C1D: variants seen among roughly 807,000 people sequenced by gnomAD.
C1D encodes the protein C1D nuclear receptor corepressor, also known as nuclear nucleic acid-binding protein C1D.
Under a neutral mutation model 17.5 loss-of-function variants are expected in C1D, and 10 were observed. That is an observed-to-expected ratio of 0.57 (90% CI 0.35 to 0.97). The LOEUF (loss-of-function observed/expected upper bound fraction) is 0.97. Ranked by LOEUF, C1D falls within the 50% of genes least tolerant of loss-of-function variation. C1D has a pLI of 0.01. For synonymous variants in C1D, 49 were observed against 54.0 expected (o/e 0.91, Z 0.40); for missense variants, 136 against 160.1 (o/e 0.85, Z 0.81).
intron 4 of C1D, among the ~76,000 whole-genome samples, chr2:68,043,491 C>T (rs887236866): frequency 6.6e-6 from 1 of 152,102 alleles, no homozygotes; most frequent in African/African-American, 2.4e-5. Context: ...ACAGGAAATA[C>T]ATGAGGTAGT....
At chr2:68,053,015 C>A in intron 1 of C1D, 1 of 1,544,430 alleles carries the variant, frequency 6.5e-7, no homozygotes, top group Non-Finnish European at 8.7e-7. Context: ...AAAGAACATG[C>A]CTAAAGTTGT....
At chr2:68,049,262 C>A (rs1671216357) in intron 1 of C1D, among the ~76,000 whole-genome samples, 1 of 149,942 alleles carries the variant, frequency 6.7e-6, no homozygotes, top group African/African-American at 2.5e-5. Context: ...AGAAACCTTA[C>A]AAACAAAAGA....
chr2:68,049,397 G>T (rs961241089), intron 1 of C1D, among the ~76,000 whole-genome samples: 1 of 152,132 alleles, frequency 6.6e-6, no homozygotes, highest in Non-Finnish European at 1.5e-5. Flanking sequence ...TAAGTATAGG[G>T]ATATACTGCA....
chr2:68,048,730 G>T (rs1671202110), intron 1 of C1D, among the ~76,000 whole-genome samples: 1 of 152,062 alleles, frequency 6.6e-6, no homozygotes, highest in Non-Finnish European at 1.5e-5. Flanking sequence ...ACACAGAAAA[G>T]AACTGATTTC....
At chr2:68,050,457 T>C (rs2103802686) in intron 1 of C1D, among the ~76,000 whole-genome samples, 2 of 152,268 alleles carry the variant, frequency 1.3e-5, no homozygotes, top group African/African-American at 4.8e-5. Context: ...ATACCTTACT[T>C]TTCTCTCAAA....
At chr2:68,046,620 T>C in intron 2 of C1D, 1 of 501,640 alleles carries the variant, frequency 2.0e-6, no homozygotes, top group East Asian at 3.3e-5. Flanking sequence ...CCACACATTT[T>C]CACCTTAGGG....
chr2:68,050,843 A>C (rs898828423), intron 1 of C1D, among the ~76,000 whole-genome samples: 3 of 152,244 alleles, frequency 2.0e-5, no homozygotes, highest in African/African-American at 7.2e-5. Flanking sequence ...TAAATTCTCA[A>C]ACAGAACGTG....
intron 1 of C1D, among the ~76,000 whole-genome samples, chr2:68,047,660 C>A (rs1326245167): frequency 6.6e-6 from 1 of 152,160 alleles, no homozygotes; most frequent in Admixed American, 6.5e-5. Context: ...CTGCTGGGCC[C>A]AAGCGATCCT....
chr2:68,049,275 A>G (rs1671216858), intron 1 of C1D, among the ~76,000 whole-genome samples: 1 of 152,252 alleles, frequency 6.6e-6, no homozygotes, highest in Admixed American at 6.5e-5. Context: ...ACAAAAGAGA[A>G]TAAGAATTTA....
At chr2:68,052,840 C>T (rs1671328653) in intron 1 of C1D, among the ~76,000 whole-genome samples, 1 of 152,066 alleles carries the variant, frequency 6.6e-6, no homozygotes. Context: ...AGAAATTTCC[C>T]TCTGTCCCCT....
chr2:68,044,771 C>A (rs1287002569), intron 4 of C1D, among the ~76,000 whole-genome samples: 1 of 152,004 alleles, frequency 6.6e-6, no homozygotes, highest in African/African-American at 2.4e-5. Context: ...TATTCACCAA[C>A]CCTTATCTAG....
chr2:68,043,211 C>A (rs1420027378), intron 4 of C1D, among the ~76,000 whole-genome samples, 158 bp from the exon 5 acceptor site: 1 of 152,086 alleles, frequency 6.6e-6, no homozygotes, highest in Admixed American at 6.6e-5. Context: ...TAAATACGCT[C>A]CCTGCTTGCC....
chr2:68,043,541 T>C (rs891369407), intron 4 of C1D, among the ~76,000 whole-genome samples: 1 of 152,136 alleles, frequency 6.6e-6, no homozygotes, highest in Non-Finnish European at 1.5e-5. Flanking sequence ...GTGTAACAAT[T>C]AGGGAGAATG....
intron 1 of C1D, among the ~76,000 whole-genome samples, chr2:68,053,862 A>G (rs1203181774): frequency 1.3e-5 from 2 of 152,200 alleles, no homozygotes; most frequent in African/African-American, 4.8e-5. Flanking sequence ...CTTTTTTCAA[A>G]CGCTGCTTAT....
At chr2:68,046,891 T>C (rs897958049) in intron 2 of C1D, among the ~76,000 whole-genome samples, 2 of 152,098 alleles carry the variant, frequency 1.3e-5, no homozygotes, top group African/African-American at 4.8e-5. Context: ...GATAACATCA[T>C]TGTAATACTT....
At position 68,042,835 on chromosome 2, in the gene C1D, G is replaced by GC; in HGVS notation, c.*53_*54insG. ...TGCCACAGAATTATTTTGCGGGGGG[G>GC]GGGGGGGGGGGGAAGATGTACTTTT... On this transcript the variant is annotated 3_prime_UTR_variant, in exon 5 of 5. Transcript: ENST00000410067. The GC allele has an allele frequency of 6.7e-6, 1 of 149,866 alleles. No homozygotes were observed. Among genetic ancestry groups the GC allele is most frequent in the Admixed American group, 1.5e-4 (1 of 6,630 alleles). 9.3% of individuals were successfully genotyped at this position (149,866 alleles called of 1,614,324 possible).
At chr2:68,051,544 T>C (rs1047347167) in intron 1 of C1D, among the ~76,000 whole-genome samples, 2 of 152,120 alleles carry the variant, frequency 1.3e-5, no homozygotes, top group African/African-American at 4.8e-5. Context: ...ATCCTTACAG[T>C]GGGTTCAAAA....
rs545425105 is a variant in C1D at position 68,053,286 on chromosome 2, A to C, written c.-9-5967T>G. ...TTACTGCCACTCAGTCCTTCCTCTC[A>C]CTGGTTATACAGAAGCCAAAGTACC... On this transcript the variant is annotated intron_variant, in intron 1 of 4. Transcript: ENST00000410067. 10 of 1,400,644 alleles carry C rather than the reference A, an allele frequency of 7.1e-6. No individual in the cohort carries two copies. In the African/African-American group the frequency reaches 1.3e-4, roughly 18 times the overall value. 86.8% of individuals were successfully genotyped at this position (1,400,644 alleles called of 1,614,324 possible). A position where few individuals can be genotyped will look rare whatever the true frequency, so the allele number is the denominator to read the frequency against.
At chr2:68,057,933 T>C (rs1324674959) in intron 1 of C1D, among the ~76,000 whole-genome samples, 3 of 152,210 alleles carry the variant, frequency 2.0e-5, no homozygotes, top group East Asian at 3.9e-4. Flanking sequence ...CCCAGTCAAC[T>C]GGTTTAAAGA....
Sources: allele counts gnomAD v4.1 joint callset (sites outside exome capture counted in the v4.1 genomes callset), GRCh38; gene constraint gnomAD v4.1.1; transcripts MANE v1.5; gene names NCBI Gene and HGNC (gene_info 2026-07-23, HGNC 2026-07-21).